HUWE1: variants seen among roughly 807,000 people sequenced by gnomAD.
HUWE1 encodes the protein HECT, UBA and WWE domain containing E3 ubiquitin protein ligase 1.
HUWE1 carries 18 observed loss-of-function variants against 299.4 expected under a neutral mutation model. The ratio of observed to expected loss-of-function variants is 0.06; its 90% CI spans 0.04 to 0.09. The LOEUF (loss-of-function observed/expected upper bound fraction) is 0.09. Among genes scored for constraint, HUWE1 ranks in the 10% least tolerant of loss-of-function variants. The pLI is 1.00. For missense variants in HUWE1, 1,832 were observed against 3,462.3 expected, an observed-to-expected ratio of 0.53 and a Z score of 11.82; for synonymous variants, 1,317 against 1,286.1, an observed-to-expected ratio of 1.02 and a Z score of -0.51.
chrX:53,550,812 A>C, intron 65 of HUWE1, 44 bp from the exon 66 acceptor site: 1 of 1,195,869 alleles, frequency 8.4e-7, no homozygotes, highest in Non-Finnish European at 1.1e-6. Context: ...GAGAGGGTGT[A>C]AACTGGATAT....
intron 36 of HUWE1, 95 bp downstream of exon 36, chrX:53,589,452 G>A: frequency 4.8e-6 from 4 of 826,863 alleles, no homozygotes; most frequent in Non-Finnish European, 7.3e-6. Flanking sequence ...ATATCAGGTA[G>A]AATGAAAATA....
intron 80 of HUWE1, 26 bp downstream of exon 80, chrX:53,536,121 G>A: frequency 8.1e-6 from 8 of 984,433 alleles, no homozygotes; most frequent in Non-Finnish European, 1.2e-5. Flanking sequence ...GCTGGGATGT[G>A]CTGTGATTAG....
chrX:53,684,334 G>C (rs1346714148), intron 2 of HUWE1, among the ~76,000 whole-genome samples: 2 of 112,485 alleles, frequency 1.8e-5, no homozygotes, highest in African/African-American at 6.5e-5. Flanking sequence ...AAAGGAGAAA[G>C]GCGGAGCTTC....
intron 59 of HUWE1, among the ~76,000 whole-genome samples, chrX:53,558,454 C>A (rs2062134590): frequency 8.9e-6 from 1 of 112,059 alleles, no homozygotes; most frequent in Non-Finnish European, 1.9e-5. Context: ...TTTCCCTTGA[C>A]ACTTGAGAAA....
rs1556981364 is a variant in HUWE1 at position 53,593,443 on chromosome X, G to A, written c.3662C>T (p.Ser1221Leu). Residue 1221 changes from serine (S) to leucine (L), a missense_variant, in exon 32 of 84, where the codon TCG (serine) becomes TTG (leucine). This residue lies in a region of HUWE1 where 658 missense variants were observed against 1,282.6 expected (regional missense o/e 0.51). Coordinates refer to ENST00000262854, the MANE Select transcript of HUWE1 (RefSeq NM_031407.7). ...ACCTCCAGGCAATTTGGCAGGCAGC[G>A]AATGTGGAGATTCAAGCACCGTGGT... is the stretch of plus-strand genomic sequence containing the variant. ...NPTTVLESPH[S>L]LPAKLPGGVQ... The A allele has an allele frequency of 4.1e-6, 5 of 1,211,143 alleles. No individual in the cohort carries two copies. The highest frequency in any genetic ancestry group is 5.6e-6 in the Non-Finnish European group (5 of 895,040).
chrX:53,607,801 GT>G, intron 24 of HUWE1, 102 bp from the exon 25 acceptor site: 1 of 538,099 alleles, frequency 1.9e-6, no homozygotes, highest in Non-Finnish European at 3.2e-6. Flanking sequence ...TGATATTAGT[GT>G]TTTCTATAGA....
At chrX:53,641,337 GATTC>G (rs1569506032) in intron 7 of HUWE1, among the ~76,000 whole-genome samples, 3 of 111,758 alleles carry the variant, frequency 2.7e-5, no homozygotes, top group African/African-American at 9.8e-5. Context: ...AACTCACCCT[GATTC>G]ATTATCAGTG....
intron 6 of HUWE1, among the ~76,000 whole-genome samples, chrX:53,647,064 A>C (rs1179362594): frequency 8.9e-6 from 1 of 111,888 alleles, no homozygotes; most frequent in African/African-American, 3.2e-5. Context: ...GGGCTGCTCT[A>C]ACAACCTAGG....
chrX:53,558,535 T>C, intron 59 of HUWE1, 120 bp downstream of exon 59: 1 of 712,392 alleles, frequency 1.4e-6, no homozygotes, highest in South Asian at 2.4e-5. Context: ...AATAAAAAAT[T>C]TCCCAGGTTC....
intron 43 of HUWE1, among the ~76,000 whole-genome samples, chrX:53,577,834 C>T (rs1556960848): frequency 8.7e-6 from 1 of 114,304 alleles, no homozygotes; most frequent in Non-Finnish European, 1.9e-5. Flanking sequence ...CTCAATGGTG[C>T]CCAGGCTGGA....
intron 37 of HUWE1, 54 bp from the exon 38 acceptor site, chrX:53,586,963 T>A: frequency 8.6e-7 from 1 of 1,159,161 alleles, no homozygotes; most frequent in Non-Finnish European, 1.2e-6. Context: ...TTCTACTCAG[T>A]AACAAAGATT....
chrX:53,643,707 T>C (rs2067771652), intron 7 of HUWE1, among the ~76,000 whole-genome samples: 1 of 112,494 alleles, frequency 8.9e-6, no homozygotes, highest in Admixed American at 9.4e-5. Context: ...TATCTGTTTC[T>C]GTATATTGAT....
chrX:53,538,914 T>C lies in HUWE1; in HGVS notation c.11799A>G (p.Pro3933=), dbSNP rs145399523. ...LTPATPSSLD[P]FFSREPSSMH... ...TAGATGAGGGCTCCCGGGAGAAGAA[T>C]GGGTCAAGGGAGGAAGGCGTGGCTG... Residue 3933 remains proline (P), a synonymous_variant, in exon 76 of 84, where the codon CCA becomes CCG. Coordinates refer to ENST00000262854, the MANE Select transcript of HUWE1 (RefSeq NM_031407.7). The C allele has an allele frequency of 5.0e-6, 6 of 1,203,687 alleles. No homozygotes were observed. Among genetic ancestry groups the C allele is most frequent in the South Asian group, 1.8e-5 (1 of 56,098 alleles).
intron 19 of HUWE1, among the ~76,000 whole-genome samples, chrX:53,623,669 T>C (rs141468405): frequency 8.9e-6 from 1 of 112,163 alleles, no homozygotes; most frequent in East Asian, 2.8e-4. Flanking sequence ...ACAAAGACCA[T>C]AAACAAAGTA....
At chrX:53,645,735 AAATAT>A (rs1250409541) in intron 6 of HUWE1, among the ~76,000 whole-genome samples, 26 of 26,137 alleles carry the variant, frequency 9.9e-4, no homozygotes, top group South Asian at 7.8e-3. Flanking sequence ...AAAAAAAAAA[AAATAT>A]ATATATATAT....
At position 53,629,633 on chromosome X, in the gene HUWE1, A is replaced by G; in HGVS notation, c.863-17T>C. Reference sequence around the variant, plus strand: ...TGGAATACACTGCAAAAGGAGAAACAAACACTTTAGGCAAGAAGGCAGTGG... The same window carrying G: ...TGGAATACACTGCAAAAGGAGAAACGAACACTTTAGGCAAGAAGGCAGTGG... On this transcript the variant is annotated splice_polypyrimidine_tract_variant and intron_variant, in intron 12 of 83. Coordinates refer to ENST00000262854, the MANE Select transcript of HUWE1 (RefSeq NM_031407.7). 1 of 1,080,330 alleles carries G rather than the reference A, an allele frequency of 9.3e-7. No individual in the cohort carries two copies. The highest frequency in any genetic ancestry group is 1.3e-6 in the Non-Finnish European group (1 of 775,974). The allele number at this position is 1,080,330 out of a possible 1,213,427, so 89.0% of individuals were successfully genotyped here. A position where few individuals can be genotyped will look rare whatever the true frequency, so the allele number is the denominator to read the frequency against.
rs1556973842 is a variant in HUWE1, at chrX:53,586,921, A to C, written c.4615-12T>G. The stretch of plus-strand genomic sequence containing the variant: ...GGTAGCTTCAACTCCTGATAGATCA[A>C]AGGGAAAAAACAACAACAACCAGAT... On this transcript the variant is annotated splice_polypyrimidine_tract_variant and intron_variant, in intron 37 of 83. Coordinates refer to ENST00000262854, the MANE Select transcript of HUWE1 (RefSeq NM_031407.7). 1.7e-6 allele frequency: 2 copies of C among 1,210,609 alleles called. No homozygotes were observed. Among genetic ancestry groups the C allele is most frequent in the South Asian group, 3.5e-5 (2 of 56,929 alleles).
In HUWE1 at chrX:53,552,903, A is replaced by C; in HGVS notation, c.8495-10T>G. The C allele has an allele frequency of 8.3e-7, 1 of 1,211,334 alleles. No individual in the cohort carries two copies. Among genetic ancestry groups the C allele is most frequent in the Non-Finnish European group, 1.1e-6 (1 of 895,102 alleles). On this transcript the variant is annotated splice_polypyrimidine_tract_variant and intron_variant, in intron 61 of 83. Transcript: ENST00000262854. ...TCTGGGGAAAGTGAGGCTAGGAAGA[A>C]GTTGCAGGGAGAGGTTAGGTTTCTA...
At chrX:53,621,053 T>G (rs2066118895) in intron 19 of HUWE1, among the ~76,000 whole-genome samples, 1 of 112,058 alleles carries the variant, frequency 8.9e-6, no homozygotes, top group Admixed American at 9.4e-5. Context: ...AAGAAAAATC[T>G]TAAGTTAGTT....
Sources: gnomAD v4.1 joint callset for allele counts (sites outside exome capture counted in the v4.1 genomes callset) on GRCh38, gnomAD v4.1.1 for gene constraint, gnomAD v4.1.1 regional missense constraint, MANE v1.5 for transcripts, NCBI Gene and HGNC (gene_info 2026-07-23, HGNC 2026-07-21) for gene names.